The following VSNL1 variants were observed in gnomAD, a reference collection of about 807,000 sequenced individuals.
VSNL1 encodes visinin-like protein 1.
In VSNL1, 6 loss-of-function variants were observed where a neutral mutation model predicts 20.4. The ratio of observed to expected loss-of-function variants is 0.29; its 90% CI spans 0.16 to 0.58. The LOEUF (loss-of-function observed/expected upper bound fraction) is 0.58. Among genes scored for constraint, VSNL1 ranks in the 20% least tolerant of loss-of-function variants. The probability of loss-of-function intolerance (pLI) is 0.90; values close to 1 mark genes in which losing one functional copy is unlikely to be tolerated. For missense variants in VSNL1, 100 were observed against 234.5 expected, an observed-to-expected ratio of 0.43 and a Z score of 3.75; for synonymous variants, 93 against 86.4, an observed-to-expected ratio of 1.08 and a Z score of -0.42.
At chr2:17,594,129 C>A (rs1042578193) in intron 2 of VSNL1, among the ~76,000 whole-genome samples, 3 of 152,190 alleles carry the variant, frequency 2.0e-5, no homozygotes, top group African/African-American at 7.2e-5. Flanking sequence ...AAGCACCAGC[C>A]TCAAGGTGAG....
chr2:17,646,026 C>T (rs1665983974), intron 2 of VSNL1, among the ~76,000 whole-genome samples: 1 of 152,224 alleles, frequency 6.6e-6, no homozygotes, highest in Admixed American at 6.5e-5. Flanking sequence ...CAGCTCCATA[C>T]ACTTGTAATT....
chr2:17,644,081 C>T (rs569815693), intron 2 of VSNL1, among the ~76,000 whole-genome samples: 5 of 152,198 alleles, frequency 3.3e-5, no homozygotes, highest in East Asian at 3.9e-4. Flanking sequence ...GCTGTGGTGA[C>T]GATGGATGGA....
At chr2:17,621,447 C>T (rs986375363) in intron 2 of VSNL1, among the ~76,000 whole-genome samples, 4 of 152,040 alleles carry the variant, frequency 2.6e-5, no homozygotes, top group East Asian at 1.9e-4. Context: ...CTCAGCCTCC[C>T]GAGTAGCTGG....
chr2:17,599,883 G>A (rs748166062), intron 2 of VSNL1, among the ~76,000 whole-genome samples: 2 of 152,170 alleles, frequency 1.3e-5, no homozygotes, highest in Non-Finnish European at 2.9e-5. Context: ...TCAGGAGCAG[G>A]CATCTGGGAG....
chr2:17,584,469 G>T (rs1664423382), intron 1 of VSNL1, among the ~76,000 whole-genome samples: 1 of 152,076 alleles, frequency 6.6e-6, no homozygotes, highest in Non-Finnish European at 1.5e-5. Flanking sequence ...AGAGCCCCTG[G>T]ACATCTGGCC....
intron 1 of VSNL1, among the ~76,000 whole-genome samples, chr2:17,553,777 C>T (rs559344963): frequency 4.9e-5 from 7 of 143,502 alleles, no homozygotes; most frequent in East Asian, 1.9e-4. Context: ...ACGTATCTCA[C>T]GAAATTGTTG....
chr2:17,597,172 A>T (rs1664730904), intron 2 of VSNL1, among the ~76,000 whole-genome samples: 1 of 152,178 alleles, frequency 6.6e-6, no homozygotes, highest in Non-Finnish European at 1.5e-5. Flanking sequence ...AGGCAGTGTC[A>T]TCCCTATTCC....
At chr2:17,625,840 A>ATTTTT (rs35795117) in intron 2 of VSNL1, among the ~76,000 whole-genome samples, 2 of 108,528 alleles carry the variant, frequency 1.8e-5, no homozygotes, top group African/African-American at 3.6e-5. Context: ...TCCTTAGCTG[A>ATTTTT]TTTTTTTTTT....
At chr2:17,652,950 G>A (rs548907489) in intron 3 of VSNL1, among the ~76,000 whole-genome samples, 4 of 152,344 alleles carry the variant, frequency 2.6e-5, no homozygotes, top group Non-Finnish European at 4.4e-5. Context: ...ACTCTGGGCT[G>A]AGATCATAGG....
At chr2:17,651,489 T>A (rs978943990) in intron 3 of VSNL1, among the ~76,000 whole-genome samples, 4 of 152,246 alleles carry the variant, frequency 2.6e-5, no homozygotes, top group Non-Finnish European at 5.9e-5. Context: ...TCACTCACCA[T>A]AGCAGGAAGC....
chr2:17,588,461 G>A (rs557149715), intron 1 of VSNL1, among the ~76,000 whole-genome samples: 1 of 152,288 alleles, frequency 6.6e-6, no homozygotes, highest in African/African-American at 2.4e-5. Context: ...CTCATATGGT[G>A]TAGCGGAATC....
chr2:17,611,505 G>T (rs1483017849), intron 2 of VSNL1, among the ~76,000 whole-genome samples: 1 of 152,266 alleles, frequency 6.6e-6, no homozygotes, highest in African/African-American at 2.4e-5. Flanking sequence ...ATCACTAAAT[G>T]TGGGGTAGTG....
chr2:17,614,105 T>A (rs1665155961), intron 2 of VSNL1, among the ~76,000 whole-genome samples: 1 of 152,146 alleles, frequency 6.6e-6, no homozygotes, highest in Admixed American at 6.5e-5. Flanking sequence ...TTCCAGGAGA[T>A]GGGCCCTAGT....
intron 1 of VSNL1, among the ~76,000 whole-genome samples, chr2:17,582,591 C>G (rs1311431966): frequency 1.3e-5 from 2 of 152,010 alleles, no homozygotes; most frequent in African/African-American, 2.4e-5. Flanking sequence ...GGTTTACATA[C>G]AGAAACACGA....
At position 17,591,961 on chromosome 2, in the gene VSNL1, C is replaced by A. The variant is rs556510742; in HGVS notation, c.-5-109C>A. 6.3e-5 allele frequency: 78 copies of A among 1,229,648 alleles called. 1 individual carries two copies. In the South Asian group the frequency reaches 8.2e-4, roughly 13 times the overall value. The allele number at this position is 1,229,648 out of a possible 1,614,324, so 76.2% of individuals were successfully genotyped here. ...CTTGGGAAGATATGCATCAGCCACA[C>A]TGGAGGGAGTTCCGACCATGGGACT... On this transcript the variant is annotated intron_variant, in intron 1 of 3. Transcript: ENST00000295156.
intron 1 of VSNL1, among the ~76,000 whole-genome samples, chr2:17,576,086 G>A (rs1664207638): frequency 6.6e-6 from 1 of 152,108 alleles, no homozygotes; most frequent in African/African-American, 2.4e-5. Context: ...TACTTAACAT[G>A]GTTTCTGCAT....
chr2:17,651,747 CTTCCT>C (rs1666127492), intron 3 of VSNL1, among the ~76,000 whole-genome samples: 1 of 152,204 alleles, frequency 6.6e-6, no homozygotes, highest in Non-Finnish European at 1.5e-5. Flanking sequence ...ACTTCTAGCT[CTTCCT>C]TTCTTCTATT....
At chr2:17,595,758 A>G (rs552998373) in intron 2 of VSNL1, among the ~76,000 whole-genome samples, 1 of 152,270 alleles carries the variant, frequency 6.6e-6, no homozygotes, top group East Asian at 1.9e-4. Context: ...AGAGACATAC[A>G]TAGGAAAGGC....
At chr2:17,561,197 G>T (rs1443864950) in intron 1 of VSNL1, among the ~76,000 whole-genome samples, 2 of 152,162 alleles carry the variant, frequency 1.3e-5, no homozygotes, top group Non-Finnish European at 2.9e-5. Context: ...GAAAAATGGG[G>T]TGAAGAATAT....
Sources: gnomAD v4.1 joint callset for allele counts (sites outside exome capture counted in the v4.1 genomes callset) on GRCh38, gnomAD v4.1.1 for gene constraint, MANE v1.5 for transcripts, NCBI Gene and HGNC (gene_info 2026-07-23, HGNC 2026-07-21) for gene names.